NDUFAF2: variants seen among roughly 807,000 people sequenced by gnomAD.
The protein encoded by NDUFAF2 is NADH dehydrogenase [ubiquinone] 1 alpha subcomplex assembly factor 2.
A neutral mutation model predicts 22.8 loss-of-function variants in NDUFAF2; 13 were observed. The observed-to-expected ratio is 0.57, with a 90% CI of 0.37 to 0.91. The LOEUF (loss-of-function observed/expected upper bound fraction) is 0.91, where lower values mean the gene tolerates loss of function less well. Among genes scored for constraint, NDUFAF2 ranks in the 40% least tolerant of loss-of-function variants. The pLI is 0.01. For missense variants in NDUFAF2, 162 were observed against 195.2 expected, an observed-to-expected ratio of 0.83 and a Z score of 1.01; for synonymous variants, 53 against 64.2, an observed-to-expected ratio of 0.83 and a Z score of 0.84.
At chr5:61,021,163 G>A (rs1362734964) in intron 1 of NDUFAF2, among the ~76,000 whole-genome samples, 1 of 152,138 alleles carries the variant, frequency 6.6e-6, no homozygotes, top group Non-Finnish European at 1.5e-5. Context: ...AAACAACACA[G>A]ATTTATTATC....
chr5:60,964,805 C>A (rs1750733790), intron 1 of NDUFAF2, among the ~76,000 whole-genome samples: 2 of 152,092 alleles, frequency 1.3e-5, no homozygotes, highest in Admixed American at 6.5e-5. Context: ...TGAACTTACT[C>A]CGTCCTGTCA....
At chr5:60,972,497 A>G (rs146448986) in intron 1 of NDUFAF2, among the ~76,000 whole-genome samples, 2 of 152,114 alleles carry the variant, frequency 1.3e-5, no homozygotes, top group African/African-American at 4.8e-5. Context: ...CCCTGTGAAG[A>G]GGTGCCTTCT....
chr5:61,055,212 C>A (rs1273617693), intron 1 of NDUFAF2, among the ~76,000 whole-genome samples: 1 of 152,140 alleles, frequency 6.6e-6, no homozygotes, highest in Non-Finnish European at 1.5e-5. Flanking sequence ...AGTTTCCCAA[C>A]TTACAAATCA....
intron 2 of NDUFAF2, among the ~76,000 whole-genome samples, chr5:61,093,597 A>G (rs1019757785): frequency 5.9e-5 from 9 of 152,198 alleles, no homozygotes; most frequent in African/African-American, 2.2e-4. Context: ...CTTGCGTCCC[A>G]GGGATGAAGC....
intron 1 of NDUFAF2, among the ~76,000 whole-genome samples, chr5:61,006,482 G>A (rs943936309): frequency 6.6e-6 from 1 of 152,140 alleles, no homozygotes; most frequent in Non-Finnish European, 1.5e-5. Context: ...TGTAAAGAAA[G>A]TCATTGGTAG....
At chr5:61,118,163 C>G (rs1046438871) in intron 3 of NDUFAF2, among the ~76,000 whole-genome samples, 1 of 152,092 alleles carries the variant, frequency 6.6e-6, no homozygotes, top group Non-Finnish European at 1.5e-5. Context: ...AAAAGCTTAC[C>G]CCTTTTCCGT....
intron 1 of NDUFAF2, among the ~76,000 whole-genome samples, chr5:61,014,418 G>A (rs956995732): frequency 1.8e-4 from 28 of 152,112 alleles, no homozygotes; most frequent in African/African-American, 3.4e-4. Flanking sequence ...CTCTTCATCT[G>A]GCTGTTCATT....
intron 1 of NDUFAF2, among the ~76,000 whole-genome samples, chr5:61,070,268 T>C (rs1580121308): frequency 6.6e-6 from 1 of 152,268 alleles, no homozygotes; most frequent in East Asian, 1.9e-4. Context: ...TTTACAAATA[T>C]TGCATGAAAG....
At chr5:61,055,745 G>A (rs1224027113) in intron 1 of NDUFAF2, among the ~76,000 whole-genome samples, 1 of 152,154 alleles carries the variant, frequency 6.6e-6, no homozygotes, top group Non-Finnish European at 1.5e-5. Flanking sequence ...GCATGAACCT[G>A]ACTATATGTG....
At chr5:61,054,784 A>G (rs1752066352) in intron 1 of NDUFAF2, among the ~76,000 whole-genome samples, 1 of 152,232 alleles carries the variant, frequency 6.6e-6, no homozygotes, top group African/African-American at 2.4e-5. Flanking sequence ...TCAGTATTAC[A>G]GGAAGATACA....
At chr5:61,143,960 TTGTGTG>T (rs58281805) in intron 3 of NDUFAF2, among the ~76,000 whole-genome samples, 4,091 of 98,108 alleles carry the variant, frequency 0.042, 93 homozygotes, top group South Asian at 0.061. Flanking sequence ...TGGCATATTT[TTGTGTG>T]TGTGTGTGTG....
intron 3 of NDUFAF2, among the ~76,000 whole-genome samples, chr5:61,152,086 CTGTT>C (rs907813432): frequency 3.9e-5 from 6 of 152,144 alleles, no homozygotes; most frequent in African/African-American, 1.4e-4. Context: ...ATTGTACAAT[CTGTT>C]TGCACAGATT....
chr5:61,098,246 A>G (rs957239984), intron 2 of NDUFAF2, among the ~76,000 whole-genome samples: 4 of 152,236 alleles, frequency 2.6e-5, no homozygotes, highest in Admixed American at 6.5e-5. Flanking sequence ...AGAAAATTAA[A>G]TAACTTGCTC....
intron 1 of NDUFAF2, among the ~76,000 whole-genome samples, chr5:61,031,627 G>C (rs957876291): frequency 7.9e-5 from 12 of 151,864 alleles, no homozygotes; most frequent in African/African-American, 2.9e-4. Flanking sequence ...GTCTATCATT[G>C]ATGGGCATTT....
intron 1 of NDUFAF2, among the ~76,000 whole-genome samples, chr5:61,004,423 A>G (rs1751339017): frequency 6.6e-6 from 1 of 152,108 alleles, no homozygotes; most frequent in Non-Finnish European, 1.5e-5. Context: ...ACTGTAAACT[A>G]CTATTGAGGA....
At chr5:60,962,258 T>A (rs572008785) in intron 1 of NDUFAF2, among the ~76,000 whole-genome samples, 121 of 152,162 alleles carry the variant, frequency 8.0e-4, no homozygotes, top group Middle Eastern at 6.8e-3. Flanking sequence ...ATTCTTCTTT[T>A]CACATTTGTC....
intron 1 of NDUFAF2, among the ~76,000 whole-genome samples, chr5:60,958,407 T>C (rs1386505487): frequency 6.6e-6 from 1 of 152,176 alleles, no homozygotes; most frequent in East Asian, 1.9e-4. Context: ...AAAACACATT[T>C]TTTTCATTCA....
intron 1 of NDUFAF2, among the ~76,000 whole-genome samples, chr5:60,947,016 G>C (rs1395106112): frequency 2.6e-5 from 4 of 152,142 alleles, no homozygotes; most frequent in Non-Finnish European, 1.5e-5. Context: ...CAGTTTATCT[G>C]TTCACAAGCT....
At chr5:61,069,740 A>G (rs1411887970) in intron 1 of NDUFAF2, among the ~76,000 whole-genome samples, 1 of 152,084 alleles carries the variant, frequency 6.6e-6, no homozygotes, top group African/African-American at 2.4e-5. Context: ...AACCCTTGTC[A>G]TCTACGATAT....
Sources: gnomAD v4.1 joint callset for allele counts (sites outside exome capture counted in the v4.1 genomes callset) on GRCh38, gnomAD v4.1.1 for gene constraint, MANE v1.5 for transcripts, NCBI Gene and HGNC (gene_info 2026-07-23, HGNC 2026-07-21) for gene names.